The following VPS50 variants were observed in gnomAD, a reference collection of about 807,000 sequenced individuals.
VPS50 encodes syndetin.
VPS50 carries 70 observed loss-of-function variants against 139.7 expected under a neutral mutation model. The ratio of observed to expected loss-of-function variants is 0.50; its 90% CI spans 0.41 to 0.61. The LOEUF is 0.61. Among genes scored for constraint, VPS50 ranks in the 20% least tolerant of loss-of-function variants. VPS50 has a pLI of 0.00. For synonymous variants in VPS50, 365 were observed against 376.7 expected, an observed-to-expected ratio of 0.97 and a Z score of 0.36; for missense variants, 921 against 1,133.7, an observed-to-expected ratio of 0.81 and a Z score of 2.69.
At chr7:93,261,959 G>T (rs139841526) in intron 9 of VPS50, among the ~76,000 whole-genome samples, 1 of 152,168 alleles carries the variant, frequency 6.6e-6, no homozygotes, top group Non-Finnish European at 1.5e-5. Flanking sequence ...GACCTTTTGG[G>T]GACAGATTTG....
At chr7:93,286,626 T>A (rs1036677427) in intron 12 of VPS50, among the ~76,000 whole-genome samples, 2 of 152,168 alleles carry the variant, frequency 1.3e-5, no homozygotes, top group Non-Finnish European at 2.9e-5. Flanking sequence ...GAATTGATGC[T>A]TGGGTGGAAC....
intron 2 of VPS50, among the ~76,000 whole-genome samples, chr7:93,244,690 T>C (rs986127960): frequency 6.6e-5 from 10 of 151,896 alleles, no homozygotes; most frequent in African/African-American, 1.4e-4. Context: ...AGGATTAGTA[T>C]TGAGGTTTAT....
chr7:93,287,868 G>A (rs1796538336), intron 12 of VPS50, among the ~76,000 whole-genome samples: 1 of 152,082 alleles, frequency 6.6e-6, no homozygotes, highest in Non-Finnish European at 1.5e-5. Flanking sequence ...TGTGTATGGT[G>A]TAAGAGGTAT....
intron 24 of VPS50, among the ~76,000 whole-genome samples, chr7:93,349,181 G>T (rs1263993783): frequency 6.6e-6 from 1 of 152,174 alleles, no homozygotes; most frequent in Non-Finnish European, 1.5e-5. Flanking sequence ...GACCAGCAGG[G>T]TAGAGAGGGT....
chr7:93,308,579 C>A (rs1443142882), intron 18 of VPS50, among the ~76,000 whole-genome samples: 4 of 151,492 alleles, frequency 2.6e-5, no homozygotes, highest in African/African-American at 9.7e-5. Context: ...TGGTTTATGG[C>A]GATTTGATTT....
chr7:93,235,135 GAT>G (rs1483225399), intron 1 of VPS50, among the ~76,000 whole-genome samples: 3 of 152,172 alleles, frequency 2.0e-5, no homozygotes, highest in Non-Finnish European at 1.5e-5. Context: ...CTGTGAGGTA[GAT>G]ATTTGGGAAG....
chr7:93,358,510 G>T lies in VPS50; in HGVS notation c.*74G>T. The T allele has an allele frequency of 7.9e-7, 1 of 1,268,690 alleles. No homozygotes were observed. Among genetic ancestry groups the T allele is most frequent in the South Asian group, 1.3e-5 (1 of 75,622 alleles). The allele number at this position is 1,268,690 out of a possible 1,614,324, so 78.6% of individuals were successfully genotyped here. A position where few individuals can be genotyped will look rare whatever the true frequency, so the allele number is the denominator to read the frequency against. On this transcript the variant is annotated 3_prime_UTR_variant, in exon 28 of 28. Transcript: ENST00000305866. ...ATGACCTGAAAGCCAGTTTTTTTATGCACTTCTGACAACTATCTGCTAAGA... is the reference window on the plus strand; with the variant it reads ...ATGACCTGAAAGCCAGTTTTTTTATTCACTTCTGACAACTATCTGCTAAGA...
intron 1 of VPS50, among the ~76,000 whole-genome samples, chr7:93,234,353 T>C (rs1381252878): frequency 6.6e-6 from 1 of 152,208 alleles, no homozygotes; most frequent in East Asian, 1.9e-4. Flanking sequence ...CCTTAGTCAG[T>C]TGCTTATTGA....
intron 12 of VPS50, among the ~76,000 whole-genome samples, chr7:93,280,530 T>A (rs183134602): frequency 1.3e-4 from 20 of 152,288 alleles, no homozygotes; most frequent in African/African-American, 4.6e-4. Flanking sequence ...CCCTACATAT[T>A]TACACCAATT....
chr7:93,325,686 A>G (rs2117026677), intron 21 of VPS50, among the ~76,000 whole-genome samples: 1 of 152,268 alleles, frequency 6.6e-6, no homozygotes, highest in African/African-American at 2.4e-5. Flanking sequence ...GCCAAAAAAC[A>G]CATGAAAAAA....
At chr7:93,296,889 A>G (rs1349471532) in intron 15 of VPS50, 53 bp downstream of exon 15, 2 of 1,533,586 alleles carry the variant, frequency 1.3e-6, no homozygotes, top group Non-Finnish European at 1.7e-6. Flanking sequence ...CAACCATGAT[A>G]AATCATGAGC....
At chr7:93,326,870 A>AAGAC (rs1404278112) in intron 21 of VPS50, among the ~76,000 whole-genome samples, 1 of 152,164 alleles carries the variant, frequency 6.6e-6, no homozygotes, top group Admixed American at 6.5e-5. Flanking sequence ...AAGTATGTCA[A>AAGAC]AGACATAATC....
rs181613569 is a variant in VPS50 at position 93,246,181 on chromosome 7, A to C, written c.102+6247A>C. The C allele has an allele frequency of 6.5e-5, 73 of 1,116,592 alleles. No individual in the cohort carries two copies. In the African/African-American group the frequency reaches 1.0e-3, roughly 16 times the overall value. The allele number at this position is 1,116,592 out of a possible 1,614,324, so 69.2% of individuals were successfully genotyped here. A position where few individuals can be genotyped will look rare whatever the true frequency, so the allele number is the denominator to read the frequency against. On this transcript the variant is annotated intron_variant, in intron 2 of 27. Coordinates refer to ENST00000305866, the MANE Select transcript of VPS50 (RefSeq NM_017667.4). ...ATAACAGAATAGATTTTTTATGTTGACGAATGAAGAAATGCAAACAGTAAA... is the reference window on the plus strand; with the variant it reads ...ATAACAGAATAGATTTTTTATGTTGCCGAATGAAGAAATGCAAACAGTAAA...
At chr7:93,256,365 G>A in intron 4 of VPS50, 144 bp from the exon 5 acceptor site, 2 of 470,466 alleles carry the variant, frequency 4.3e-6, no homozygotes, top group Non-Finnish European at 7.5e-6. Flanking sequence ...AGGGAAATGT[G>A]TATGGCCATA....
intron 25 of VPS50, among the ~76,000 whole-genome samples, chr7:93,351,207 G>T (rs969437537): frequency 3.9e-5 from 6 of 152,084 alleles, no homozygotes; most frequent in Non-Finnish European, 8.8e-5. Context: ...GACACCAAGG[G>T]TGCTCTATAT....
Position 93,313,963 on chromosome 7 carries a change from A to T in VPS50, c.1855+2691A>T, listed in dbSNP as rs575447792. 4.5e-3 allele frequency among the ~76,000 whole-genome samples: 692 copies of T among 152,270 alleles called. 15 individuals carry two copies. The highest frequency in any genetic ancestry group is 0.017 in the Middle Eastern group (5 of 294). On this transcript the variant is annotated intron_variant, in intron 20 of 27. Transcript: ENST00000305866. ...TGCTGCCATTATCACCCCAGTTGGG[A>T]TCCCCAGTAGACTTTTATGCCTATC... is the stretch of plus-strand genomic sequence containing the variant.
intron 12 of VPS50, among the ~76,000 whole-genome samples, chr7:93,283,418 TAG>T (rs1282576571): frequency 6.6e-6 from 1 of 152,018 alleles, no homozygotes; most frequent in Non-Finnish European, 1.5e-5. Flanking sequence ...GTATTTTGAT[TAG>T]AGACGAGGTT....
At chr7:93,253,423 G>A (rs1158132469) in intron 3 of VPS50, among the ~76,000 whole-genome samples, 2 of 152,158 alleles carry the variant, frequency 1.3e-5, no homozygotes, top group Non-Finnish European at 2.9e-5. Flanking sequence ...AGTACTTATG[G>A]TTTGTAATAT....
intron 21 of VPS50, among the ~76,000 whole-genome samples, chr7:93,327,652 A>G (rs1009870389): frequency 5.9e-5 from 9 of 152,240 alleles, no homozygotes; most frequent in African/African-American, 2.2e-4. Context: ...AAATCTATAA[A>G]TAAATAGCAC....
Sources: allele counts gnomAD v4.1 joint callset (sites outside exome capture counted in the v4.1 genomes callset), GRCh38; gene constraint gnomAD v4.1.1; transcripts MANE v1.5; gene names NCBI Gene and HGNC (gene_info 2026-07-23, HGNC 2026-07-21).